MIER1: variants seen among roughly 807,000 people sequenced by gnomAD.
The protein encoded by MIER1 is mesoderm induction early response protein 1.
In MIER1, 40 loss-of-function variants were observed where a neutral mutation model predicts 75.7. That is an observed-to-expected ratio of 0.53 (90% CI 0.41 to 0.69). The LOEUF (loss-of-function observed/expected upper bound fraction) is 0.69. Among genes scored for constraint, MIER1 ranks in the 30% least tolerant of loss-of-function variants. The pLI, the probability that MIER1 is intolerant of heterozygous loss-of-function variation, is 0.00. For missense variants in MIER1, 574 were observed against 680.2 expected (o/e 0.84, Z 1.74); for synonymous variants, 213 against 223.4 (o/e 0.95, Z 0.42).
intron 2 of MIER1, 141 bp downstream of exon 2, chr1:66,926,383 A>T (rs774929647): frequency 6.2e-5 from 39 of 633,144 alleles, no homozygotes; most frequent in Admixed American, 1.1e-4. Flanking sequence ...GTGAGATAAA[A>T]ATAACATGTC....
Position 66,984,789 on chromosome 1 carries a change from C to CCTT in MIER1, c.1587_1588insCTT (p.Ala529_Lys530insLeu). ...TTGATGAAAAAAGTGAGAGACCTGC[C>CCTT]AAAAGGCGAAGGGTAAACAGCAATG... On this transcript the variant is annotated inframe_insertion, in exon 14 of 14. Transcript: ENST00000401041. 1 of 1,613,944 alleles carries CCTT rather than the reference C, an allele frequency of 6.2e-7. No homozygotes were observed.
At chr1:66,953,612 T>TAA (rs200170479) in intron 4 of MIER1, among the ~76,000 whole-genome samples, 1 of 149,530 alleles carries the variant, frequency 6.7e-6, no homozygotes, top group African/African-American at 2.5e-5. Flanking sequence ...TTTTTTTTTT[T>TAA]AATATTCTTG....
At chr1:66,981,697 A>T in intron 12 of MIER1, 82 bp from the exon 13 acceptor site, 1 of 1,082,826 alleles carries the variant, frequency 9.2e-7, no homozygotes, top group Non-Finnish European at 1.3e-6. Flanking sequence ...TATATTTGTT[A>T]AGAAAGCCTT....
rs189349751 is a variant in MIER1, at chr1:66,963,770, T to G, written c.772+610T>G. Reference sequence around the variant, plus strand: ...TAAAAATACAAAAATTAGCCTGGCGTCGTGGCGCGCACCTGTAATCCCAGC... The same window carrying G: ...TAAAAATACAAAAATTAGCCTGGCGGCGTGGCGCGCACCTGTAATCCCAGC... On this transcript the variant is annotated intron_variant, in intron 8 of 13. Coordinates refer to ENST00000401041, the MANE Select transcript of MIER1 (RefSeq NM_001077700.3). Among the ~76,000 whole-genome samples the G allele has an allele frequency of 3.5e-3, 539 of 152,046 alleles. 3 individuals are homozygous for G. The highest frequency in any genetic ancestry group is 0.012 in the African/African-American group (516 of 41,508).
chr1:66,943,027 A>G (rs1656623011), intron 3 of MIER1, among the ~76,000 whole-genome samples: 2 of 152,222 alleles, frequency 1.3e-5, no homozygotes, highest in South Asian at 2.1e-4. Context: ...AATTACAATT[A>G]TATTCTGATT....
At chr1:66,926,965 T>G (rs1424022086) in intron 2 of MIER1, among the ~76,000 whole-genome samples, 1 of 152,164 alleles carries the variant, frequency 6.6e-6, no homozygotes, top group Non-Finnish European at 1.5e-5. Context: ...GTGTTGGTAC[T>G]GAATAAAAGG....
At chr1:66,956,151 G>A (rs529488508) in intron 4 of MIER1, among the ~76,000 whole-genome samples, 2 of 152,086 alleles carry the variant, frequency 1.3e-5, no homozygotes, top group African/African-American at 2.4e-5. Context: ...GGCTGGGCAC[G>A]GTGGCTCATG....
chr1:66,942,046 T>G lies in MIER1; in HGVS notation c.193+1994T>G, dbSNP rs182624057. Among the ~76,000 whole-genome samples, 205 of 152,292 alleles carry G rather than the reference T, an allele frequency of 1.3e-3. 1 individual carries two copies. The highest frequency in any genetic ancestry group is 0.013 in the South Asian group (62 of 4,824). ...TTAACAGATAGAATGTTTATATTTC[T>G]TCAGCTTGTTTTCAGACTGAAATAG... On this transcript the variant is annotated intron_variant, in intron 3 of 13. Coordinates refer to ENST00000401041, the MANE Select transcript of MIER1 (RefSeq NM_001077700.3).
intron 11 of MIER1, 118 bp downstream of exon 11, chr1:66,973,109 A>G: frequency 1.7e-6 from 1 of 596,854 alleles, no homozygotes; most frequent in Non-Finnish European, 2.9e-6. Flanking sequence ...ATATGACAAT[A>G]TTTTGGTATT....
At chr1:66,934,049 C>T (rs1654080655) in intron 2 of MIER1, among the ~76,000 whole-genome samples, 1 of 152,044 alleles carries the variant, frequency 6.6e-6, no homozygotes, top group Admixed American at 6.6e-5. Context: ...TATTCTGTGG[C>T]TTAGAACAAT....
intron 2 of MIER1, among the ~76,000 whole-genome samples, chr1:66,937,543 C>CCA (rs1655202213): frequency 1.3e-5 from 2 of 152,024 alleles, no homozygotes; most frequent in African/African-American, 4.8e-5. Context: ...CAAGATCATG[C>CCA]CACTGCACTT....
chr1:66,959,300 G>A (rs1399479443), intron 6 of MIER1, among the ~76,000 whole-genome samples: 1 of 151,346 alleles, frequency 6.6e-6, no homozygotes, highest in East Asian at 1.9e-4. Flanking sequence ...TACTTTCTTT[G>A]CCTCTTAGCC....
chr1:66,951,511 TG>T (rs979744116), intron 4 of MIER1, among the ~76,000 whole-genome samples: 37 of 152,342 alleles, frequency 2.4e-4, no homozygotes, highest in African/African-American at 7.5e-4. Context: ...CCCTTCCTTT[TG>T]TTACAGTGTA....
In MIER1 at chr1:66,988,579, T is replaced by C. The variant is rs943105539; in HGVS notation, c.*3679T>C. On this transcript the variant is annotated 3_prime_UTR_variant, in exon 14 of 14. Coordinates refer to ENST00000401041, the MANE Select transcript of MIER1 (RefSeq NM_001077700.3). The stretch of plus-strand genomic sequence containing the variant: ...ATTTGTCTTTAGTTAGTATAAAGAA[T>C]TATAGAATGTATAATGTAATTAAAA... 5.3e-5 allele frequency: 8 copies of C among 152,336 alleles called. No homozygotes were observed. The highest frequency in any genetic ancestry group is 1.9e-4 in the African/African-American group (8 of 41,454). The allele number at this position is 152,336 out of a possible 1,614,324, so 9.4% of individuals were successfully genotyped here.
At chr1:66,983,194 A>G (rs1021598249) in intron 13 of MIER1, among the ~76,000 whole-genome samples, 12 of 152,154 alleles carry the variant, frequency 7.9e-5, no homozygotes, top group African/African-American at 2.2e-4. Flanking sequence ...TCCCAATGTT[A>G]TATTACTTTT....
At chr1:66,981,989 C>A (rs1665981951) in intron 13 of MIER1, 71 bp downstream of exon 13, 1 of 1,532,508 alleles carries the variant, frequency 6.5e-7, no homozygotes, top group Non-Finnish European at 8.9e-7. Flanking sequence ...TTGGGAAATT[C>A]CGTTTGGGTT....
intron 1 of MIER1, among the ~76,000 whole-genome samples, chr1:66,925,689 C>T (rs1651519888): frequency 1.3e-5 from 2 of 152,178 alleles, no homozygotes. Context: ...CTTGTTCTTT[C>T]AGCTTGTAGT....
chr1:66,928,970 T>C lies in MIER1; in HGVS notation c.168+2728T>C, dbSNP rs1652463143. On this transcript the variant is annotated intron_variant, in intron 2 of 13. Coordinates refer to ENST00000401041, the MANE Select transcript of MIER1 (RefSeq NM_001077700.3). ...TTTCCTGTCAAATTACCAGGTAATG[T>C]CCTTTCACTTAGCAGCTACTTCATA... 3.2e-6 allele frequency: 5 copies of C among 1,573,262 alleles called. No homozygotes were observed. In the African/African-American group the frequency reaches 4.0e-5, roughly 13 times the overall value.
intron 13 of MIER1, among the ~76,000 whole-genome samples, 160 bp downstream of exon 13, chr1:66,982,078 CAG>C (rs1300804377): frequency 1.3e-5 from 2 of 152,250 alleles, no homozygotes; most frequent in African/African-American, 4.8e-5. Flanking sequence ...TATATACTAA[CAG>C]AATACAAAGT....
Sources: gnomAD v4.1 joint callset for allele counts (sites outside exome capture counted in the v4.1 genomes callset) on GRCh38, gnomAD v4.1.1 for gene constraint, MANE v1.5 for transcripts, NCBI Gene and HGNC (gene_info 2026-07-23, HGNC 2026-07-21) for gene names.